The following GPRIN3 variants were observed in gnomAD, a reference collection of about 807,000 sequenced individuals.
GPRIN3 encodes G protein-regulated inducer of neurite outgrowth 3.
In GPRIN3, 12 loss-of-function variants were observed where a neutral mutation model predicts 13.7. The ratio of observed to expected loss-of-function variants is 0.87; its 90% CI spans 0.56 to 1.42. The LOEUF (loss-of-function observed/expected upper bound fraction) is 1.42. Ranked by LOEUF, GPRIN3 falls within the 40% of genes most tolerant of loss-of-function variation. The pLI is 0.00. For missense variants in GPRIN3, 1,009 were observed against 958.7 expected (o/e 1.05, Z -0.69); for synonymous variants, 377 against 372.7 (o/e 1.01, Z -0.13).
In GPRIN3 at chr4:89,265,997, C is replaced by T. The variant is rs191843480; in HGVS notation, c.-123-15764G>A. ...CATACTCAGGTAAATTAACACAAAG[C>T]GCTACATTTTTGTGTATTTAATGTC... On this transcript the variant is annotated intron_variant, in intron 1 of 1. Transcript: ENST00000609438. Among the ~76,000 whole-genome samples the T allele has an allele frequency of 1.1e-3, 166 of 152,240 alleles. 1 individual carries two copies. The highest frequency in any genetic ancestry group is 3.7e-3 in the African/African-American group (155 of 41,538).
At chr4:89,271,571 C>T (rs1055447641) in intron 1 of GPRIN3, among the ~76,000 whole-genome samples, 1 of 130,938 alleles carries the variant, frequency 7.6e-6, no homozygotes, top group Admixed American at 7.1e-5. Flanking sequence ...ATTTTAAAAA[C>T]TTGTATTTTT....
At chr4:89,260,401 G>T (rs1167133326) in intron 1 of GPRIN3, among the ~76,000 whole-genome samples, 1 of 152,166 alleles carries the variant, frequency 6.6e-6, no homozygotes, top group African/African-American at 2.4e-5. Flanking sequence ...ACAATCTTCA[G>T]GTTTGATCTG....
chr4:89,273,525 A>C (rs1724015566), intron 1 of GPRIN3, among the ~76,000 whole-genome samples: 1 of 152,176 alleles, frequency 6.6e-6, no homozygotes, highest in Admixed American at 6.5e-5. Context: ...TGTCTCTACT[A>C]AAAATACAAA....
chr4:89,251,501 G>A (rs967736593), intron 1 of GPRIN3, among the ~76,000 whole-genome samples: 2 of 152,114 alleles, frequency 1.3e-5, no homozygotes, highest in African/African-American at 4.8e-5. Context: ...ATGAATATGG[G>A]GATGTTTCCT....
At chr4:89,303,793 A>T (rs1358020308) in intron 1 of GPRIN3, among the ~76,000 whole-genome samples, 1 of 149,362 alleles carries the variant, frequency 6.7e-6, no homozygotes, top group Non-Finnish European at 1.5e-5. Flanking sequence ...ATATGTATAT[A>T]TGTGTATATA....
In GPRIN3 at chr4:89,237,637, T is replaced by C. The variant is rs1364490818; in HGVS notation, c.*10143A>G. On this transcript the variant is annotated 3_prime_UTR_variant, in exon 2 of 2. Coordinates refer to ENST00000609438, the MANE Select transcript of GPRIN3 (RefSeq NM_198281.3). ...TTTTGGGGTTCCCAGCTTCCAAAAC[T>C]GTAAGAAATAAATTTATTTACAAGC... 2 of 152,174 alleles carry C rather than the reference T, an allele frequency of 1.3e-5. No homozygotes were observed. Among genetic ancestry groups the C allele is most frequent in the East Asian group, 3.9e-4 (2 of 5,190 alleles). 9.4% of individuals were successfully genotyped at this position (152,174 alleles called of 1,614,324 possible). A position where few individuals can be genotyped will look rare whatever the true frequency, so the allele number is the denominator to read the frequency against.
At chr4:89,294,035 G>A (rs1724664156) in intron 1 of GPRIN3, among the ~76,000 whole-genome samples, 2 of 152,122 alleles carry the variant, frequency 1.3e-5, no homozygotes, top group South Asian at 4.1e-4. Context: ...ATAGGGACTT[G>A]GAATATGCTC....
intron 1 of GPRIN3, among the ~76,000 whole-genome samples, chr4:89,304,967 G>A (rs563057737): frequency 6.6e-6 from 1 of 152,164 alleles, no homozygotes; most frequent in South Asian, 2.1e-4. Flanking sequence ...GTAAATTAAG[G>A]TAAATATAAT....
intron 1 of GPRIN3, among the ~76,000 whole-genome samples, chr4:89,269,109 A>G (rs1723858070): frequency 1.3e-5 from 2 of 152,160 alleles, no homozygotes; most frequent in African/African-American, 4.8e-5. Flanking sequence ...AAATATTTCT[A>G]GGTTAGTCAT....
intron 1 of GPRIN3, among the ~76,000 whole-genome samples, chr4:89,253,037 T>C (rs1723374252): frequency 6.9e-6 from 1 of 145,748 alleles, no homozygotes; most frequent in East Asian, 2.0e-4. Context: ...AAAAAACAAC[T>C]CCTACAGGTT....
chr4:89,305,700 T>C (rs1173331700), intron 1 of GPRIN3, among the ~76,000 whole-genome samples: 2 of 152,264 alleles, frequency 1.3e-5, no homozygotes, highest in African/African-American at 4.8e-5. Flanking sequence ...GATCTAAATA[T>C]AGTCTTTTAA....
rs1561176613 is a variant in GPRIN3 at position 89,248,310 on chromosome 4, T to C, written c.1801A>G (p.Thr601Ala). The change falls in exon 2 of 2, where the codon ACA becomes GCA. Residue 601 changes from threonine to alanine, a missense_variant. Thr to Ala is a moderately conservative substitution (Grantham distance 58). Transcript: ENST00000609438. ...GATGGCAGGCTCAGGCTGGTGGCTG[T>C]CTTGGTCTGTCTGTTTTCTTCTAAG... is the stretch of plus-strand genomic sequence containing the variant. ...STLEENRQTK[T>A]ATSLSLPSDP... 1 of 1,614,014 alleles carries C rather than the reference T, an allele frequency of 6.2e-7. No homozygotes were observed. The highest frequency in any genetic ancestry group is 1.3e-5 in the African/African-American group (1 of 74,914).
At position 89,245,652 on chromosome 4, in the gene GPRIN3, A is replaced by G. The variant is rs1421630038; in HGVS notation, c.*2128T>C. ...CCTGTTGACAGCTGCTACTGTGTAC[A>G]CAGGCTGTACTCTGTGTATACACAG... On this transcript the variant is annotated 3_prime_UTR_variant, in exon 2 of 2. Coordinates refer to ENST00000609438, the MANE Select transcript of GPRIN3 (RefSeq NM_198281.3). 1 of 152,238 alleles carries G rather than the reference A, an allele frequency of 6.6e-6. No homozygotes were observed. The highest frequency in any genetic ancestry group is 1.5e-5 in the Non-Finnish European group (1 of 68,058). 9.4% of individuals were successfully genotyped at this position (152,238 alleles called of 1,614,324 possible).
chr4:89,304,106 C>T (rs1459726537), intron 1 of GPRIN3, among the ~76,000 whole-genome samples: 3 of 152,212 alleles, frequency 2.0e-5, no homozygotes. Context: ...AGATCCCCCT[C>T]CTCCTTGAAG....
rs1208674454 is a variant in GPRIN3, at chr4:89,244,400, C to G, written c.*3380G>C. ...AAATTATCAAAGATCAAATTACATT[C>G]AATATAGGTGAACTTATCAAGGCAG... On this transcript the variant is annotated 3_prime_UTR_variant, in exon 2 of 2. Transcript: ENST00000609438. 6.6e-6 allele frequency: 1 copy of G among 152,056 alleles called. No homozygotes were observed. Among genetic ancestry groups the G allele is most frequent in the Non-Finnish European group, 1.5e-5 (1 of 67,978 alleles). 9.4% of individuals were successfully genotyped at this position (152,056 alleles called of 1,614,324 possible).
intron 1 of GPRIN3, among the ~76,000 whole-genome samples, chr4:89,255,902 G>A (rs1281637560): frequency 6.6e-6 from 1 of 152,198 alleles, no homozygotes; most frequent in East Asian, 1.9e-4. Context: ...GTACCTCTGA[G>A]TTTATCTTTA....
intron 1 of GPRIN3, among the ~76,000 whole-genome samples, chr4:89,287,107 T>C (rs1724443894): frequency 6.6e-6 from 1 of 152,216 alleles, no homozygotes; most frequent in African/African-American, 2.4e-5. Context: ...TTCTTATGTA[T>C]AAGGCATTGT....
intron 1 of GPRIN3, among the ~76,000 whole-genome samples, chr4:89,254,922 G>A (rs1204033182): frequency 6.6e-6 from 1 of 151,986 alleles, no homozygotes; most frequent in Admixed American, 6.5e-5. Flanking sequence ...TCTATTTATT[G>A]TTAAGGTTTG....
At position 89,245,064 on chromosome 4, in the gene GPRIN3, T is replaced by G. The variant is rs531862722; in HGVS notation, c.*2716A>C. 6.6e-6 allele frequency: 1 copy of G among 152,344 alleles called. No homozygotes were observed. The highest frequency in any genetic ancestry group is 2.4e-5 in the African/African-American group (1 of 41,592). 9.4% of individuals were successfully genotyped at this position (152,344 alleles called of 1,614,324 possible). A position where few individuals can be genotyped will look rare whatever the true frequency, so the allele number is the denominator to read the frequency against. On this transcript the variant is annotated 3_prime_UTR_variant, in exon 2 of 2. Coordinates refer to ENST00000609438, the MANE Select transcript of GPRIN3 (RefSeq NM_198281.3). ...CAAATAAGGTATACTAAATGCCTAA[T>G]GCTATGTCACAGATTGAAGTGAAGG... is the stretch of plus-strand genomic sequence containing the variant.
Sources: gnomAD v4.1 joint callset for allele counts (sites outside exome capture counted in the v4.1 genomes callset) on GRCh38, gnomAD v4.1.1 for gene constraint, MANE v1.5 for transcripts, NCBI Gene and HGNC (gene_info 2026-07-23, HGNC 2026-07-21) for gene names.